The following ERBB4 variants were observed in gnomAD, a reference collection of about 807,000 sequenced individuals.
ERBB4 encodes receptor tyrosine-protein kinase erbB-4.
ERBB4 carries 42 observed loss-of-function variants against 158.0 expected under a neutral mutation model. The observed-to-expected ratio is 0.27, with a 90% CI of 0.21 to 0.34. ERBB4 has a LOEUF of 0.34. Ranked by LOEUF, ERBB4 falls within the 10% of genes least tolerant of loss-of-function variation. The pLI, the probability that ERBB4 is intolerant of heterozygous loss-of-function variation, is 1.00. For synonymous variants in ERBB4, 583 were observed against 558.7 expected, an observed-to-expected ratio of 1.04 and a Z score of -0.61; for missense variants, 1,333 against 1,624.1, an observed-to-expected ratio of 0.82 and a Z score of 3.08.
intron 2 of ERBB4, among the ~76,000 whole-genome samples, chr2:211,983,001 CG>C (rs2081846585): frequency 6.6e-6 from 1 of 152,116 alleles, no homozygotes; most frequent in African/African-American, 2.4e-5. Context: ...TATATATTGA[CG>C]TGAGTCATGA....
intron 3 of ERBB4, among the ~76,000 whole-genome samples, chr2:211,905,661 T>TATATA (rs965914841): frequency 8.1e-6 from 1 of 123,722 alleles, no homozygotes; most frequent in African/African-American, 3.3e-5. Flanking sequence ...TATATATATA[T>TATATA]ATATATATAT....
intron 1 of ERBB4, among the ~76,000 whole-genome samples, chr2:212,431,521 TCAGAG>T (rs2092030091): frequency 6.6e-6 from 1 of 152,082 alleles, no homozygotes; most frequent in East Asian, 1.9e-4. Context: ...TTGACTCTGT[TCAGAG>T]TATTCTTAAC....
chr2:211,970,713 G>C (rs994101747), intron 2 of ERBB4, among the ~76,000 whole-genome samples: 1 of 151,848 alleles, frequency 6.6e-6, no homozygotes, highest in Non-Finnish European at 1.5e-5. Flanking sequence ...CCTTTTTTCT[G>C]TTTTCCATTT....
chr2:212,000,243 C>G (rs900509424), intron 2 of ERBB4, among the ~76,000 whole-genome samples: 2 of 151,788 alleles, frequency 1.3e-5, no homozygotes, highest in African/African-American at 4.8e-5. Context: ...TCAGATAATA[C>G]AGCCCAAGAG....
chr2:211,496,931 T>C (rs1438753820), intron 20 of ERBB4, among the ~76,000 whole-genome samples: 4 of 151,468 alleles, frequency 2.6e-5, no homozygotes, highest in Non-Finnish European at 5.9e-5. Flanking sequence ...ATCCCTGACA[T>C]TTCATACTCT....
At chr2:212,459,299 T>A (rs1181610112) in intron 1 of ERBB4, among the ~76,000 whole-genome samples, 1 of 152,018 alleles carries the variant, frequency 6.6e-6, no homozygotes, top group Admixed American at 6.6e-5. Flanking sequence ...TTAAGGAAAG[T>A]CAGGATGACA....
chr2:211,392,603 C>A (rs1472086588), intron 25 of ERBB4, among the ~76,000 whole-genome samples: 1 of 134,642 alleles, frequency 7.4e-6, no homozygotes, highest in African/African-American at 2.6e-5. Flanking sequence ...CACACACACC[C>A]CAATAATGAC....
chr2:212,039,340 T>C (rs1008208128), intron 2 of ERBB4, among the ~76,000 whole-genome samples: 9 of 152,158 alleles, frequency 5.9e-5, no homozygotes, highest in African/African-American at 2.2e-4. Flanking sequence ...ATAGCACTAG[T>C]TTCCTTTTTA....
intron 1 of ERBB4, among the ~76,000 whole-genome samples, chr2:212,426,052 G>C (rs1657366139): frequency 6.6e-6 from 1 of 151,848 alleles, no homozygotes; most frequent in African/African-American, 2.4e-5. Context: ...ATTCAAATCT[G>C]AGACTTTATC....
intron 1 of ERBB4, among the ~76,000 whole-genome samples, chr2:212,454,921 C>T (rs1404025379): frequency 1.3e-5 from 2 of 152,038 alleles, no homozygotes; most frequent in African/African-American, 4.8e-5. Flanking sequence ...GAAATGACCG[C>T]CACCTCACTT....
At chr2:212,038,687 G>T (rs2077071193) in intron 2 of ERBB4, among the ~76,000 whole-genome samples, 2 of 152,012 alleles carry the variant, frequency 1.3e-5, no homozygotes. Flanking sequence ...TATAAATCAT[G>T]GTGTTAAAGT....
chr2:212,205,572 C>T (rs1356854814), intron 1 of ERBB4, among the ~76,000 whole-genome samples: 1 of 152,114 alleles, frequency 6.6e-6, no homozygotes, highest in Non-Finnish European at 1.5e-5. Context: ...CATTTACTTT[C>T]TGAATTCCAA....
chr2:211,397,352 C>T (rs922628932), intron 25 of ERBB4, among the ~76,000 whole-genome samples: 2 of 152,122 alleles, frequency 1.3e-5, no homozygotes, highest in African/African-American at 4.8e-5. Flanking sequence ...CCAAAGTCAA[C>T]CCAGATTAGC....
chr2:211,856,481 G>A (rs11887757), intron 3 of ERBB4, among the ~76,000 whole-genome samples: 32,305 of 151,484 alleles, frequency 0.21, 3,604 homozygotes, highest in South Asian at 0.32. Flanking sequence ...TGCCTCCCGG[G>A]TTCACGCCAT....
intron 1 of ERBB4, among the ~76,000 whole-genome samples, chr2:212,508,542 TAA>T (rs1303466572): frequency 1.3e-5 from 2 of 152,146 alleles, no homozygotes; most frequent in African/African-American, 2.4e-5. Flanking sequence ...TTTAAAGGCA[TAA>T]GTTTCTCTAT....
intron 1 of ERBB4, among the ~76,000 whole-genome samples, chr2:212,154,271 A>G (rs923329894): frequency 1.3e-5 from 2 of 152,164 alleles, no homozygotes; most frequent in African/African-American, 4.8e-5. Context: ...TAAAGGATAT[A>G]CACATATTTT....
At chr2:211,706,129 C>T (rs890081986) in intron 9 of ERBB4, among the ~76,000 whole-genome samples, 1 of 151,824 alleles carries the variant, frequency 6.6e-6, no homozygotes, top group African/African-American at 2.4e-5. Context: ...AGGTAGAGAC[C>T]TCATATTAAT....
chr2:212,209,559 G>A (rs2105923020), intron 1 of ERBB4, among the ~76,000 whole-genome samples: 1 of 152,096 alleles, frequency 6.6e-6, no homozygotes, highest in South Asian at 2.1e-4. Flanking sequence ...GACTACTTGG[G>A]CTAAAATTCT....
rs1349579979 is a variant in ERBB4 at position 211,712,046 on chromosome 2, T to C, written c.1124+4A>G. On this transcript the variant is annotated splice_donor_region_variant and intron_variant, in intron 9 of 27. Coordinates refer to ENST00000342788, the MANE Select transcript of ERBB4 (RefSeq NM_005235.3). ...AATAACTTGCACAAAAATTTAATAC[T>C]GACCCATGAATACCAGTGACTAGAA... 1 of 1,610,744 alleles carries C rather than the reference T, an allele frequency of 6.2e-7. No individual in the cohort carries two copies. Among genetic ancestry groups the C allele is most frequent in the East Asian group, 2.2e-5 (1 of 44,792 alleles).
Sources: allele counts gnomAD v4.1 joint callset (sites outside exome capture counted in the v4.1 genomes callset), GRCh38; gene constraint gnomAD v4.1.1; transcripts MANE v1.5; gene names NCBI Gene and HGNC (gene_info 2026-07-23, HGNC 2026-07-21).